Variants in GNA14 observed in about 807,000 individuals in gnomAD.
The protein encoded by GNA14 is guanine nucleotide-binding protein subunit alpha-14.
In GNA14, 50 loss-of-function variants were observed where a neutral mutation model predicts 42.0. The ratio of observed to expected loss-of-function variants is 1.19; its 90% CI spans 0.95 to 1.51. The LOEUF (loss-of-function observed/expected upper bound fraction) is 1.51. GNA14 is among the 40% of genes most tolerant of loss of function. The probability of loss-of-function intolerance (pLI) is 0.00; values close to 1 mark genes in which losing one functional copy is unlikely to be tolerated. For missense variants in GNA14, 473 were observed against 446.2 expected (o/e 1.06, Z -0.54); for synonymous variants, 173 against 163.1 (o/e 1.06, Z -0.46).
At chr9:77,462,385 C>A (rs903304303) in intron 2 of GNA14, among the ~76,000 whole-genome samples, 8 of 152,170 alleles carry the variant, frequency 5.3e-5, no homozygotes, top group African/African-American at 1.9e-4. Flanking sequence ...TATGCTCCCC[C>A]TTTCCTGGTC....
intron 2 of GNA14, among the ~76,000 whole-genome samples, chr9:77,449,690 C>T (rs1346248736): frequency 1.3e-5 from 2 of 152,200 alleles, no homozygotes; most frequent in African/African-American, 2.4e-5. Flanking sequence ...CAAATTCTCC[C>T]CCAATTCCCT....
At chr9:77,584,582 G>A (rs1405467133) in intron 1 of GNA14, among the ~76,000 whole-genome samples, 1 of 140,702 alleles carries the variant, frequency 7.1e-6, no homozygotes, top group Non-Finnish European at 1.5e-5. Flanking sequence ...CCCAAACTCA[G>A]ATGATGCCAA....
intron 2 of GNA14, among the ~76,000 whole-genome samples, chr9:77,493,027 ATATAT>A (rs1180999662): frequency 6.9e-3 from 350 of 51,056 alleles, no homozygotes; most frequent in African/African-American, 0.033. Context: ...AAAAAAAAAA[ATATAT>A]ATATATATAT....
chr9:77,504,082 A>G (rs1252896359), intron 2 of GNA14, among the ~76,000 whole-genome samples: 1 of 152,184 alleles, frequency 6.6e-6, no homozygotes, highest in Non-Finnish European at 1.5e-5. Flanking sequence ...CTCTACTTAT[A>G]CTGTCCCCAA....
chr9:77,456,104 T>C (rs1242281798), intron 2 of GNA14, among the ~76,000 whole-genome samples: 1 of 152,214 alleles, frequency 6.6e-6, no homozygotes, highest in African/African-American at 2.4e-5. Flanking sequence ...TGATCATATA[T>C]GATCTTTACA....
At chr9:77,484,806 G>C (rs1301675318) in intron 2 of GNA14, among the ~76,000 whole-genome samples, 1 of 152,064 alleles carries the variant, frequency 6.6e-6, no homozygotes, top group Non-Finnish European at 1.5e-5. Context: ...TGGTTTCCTA[G>C]TACATACAAA....
intron 1 of GNA14, among the ~76,000 whole-genome samples, chr9:77,532,099 T>G (rs1206828640): frequency 6.6e-6 from 1 of 151,408 alleles, no homozygotes; most frequent in East Asian, 1.9e-4. Context: ...CATTTAAGCC[T>G]CAGCATCACC....
chr9:77,432,303 C>G (rs1353432588), intron 3 of GNA14, among the ~76,000 whole-genome samples: 3 of 152,182 alleles, frequency 2.0e-5, no homozygotes, highest in Non-Finnish European at 4.4e-5. Context: ...CAGGCAAACC[C>G]TGTTCACCGT....
chr9:77,579,461 T>C (rs1212445283), intron 1 of GNA14, among the ~76,000 whole-genome samples: 2 of 152,150 alleles, frequency 1.3e-5, no homozygotes, highest in Non-Finnish European at 2.9e-5. Flanking sequence ...GATCAGTCAA[T>C]GACCTTGAGG....
chr9:77,443,683 A>G (rs546702354), intron 2 of GNA14, among the ~76,000 whole-genome samples: 19 of 152,302 alleles, frequency 1.2e-4, no homozygotes, highest in African/African-American at 4.6e-4. Flanking sequence ...TTTTCTTACC[A>G]GTCAAAACTT....
chr9:77,531,786 C>T (rs562366424), intron 1 of GNA14, among the ~76,000 whole-genome samples: 10 of 152,176 alleles, frequency 6.6e-5, no homozygotes, highest in Non-Finnish European at 1.5e-4. Flanking sequence ...ACCCCACCAC[C>T]AGCCCCAAAC....
At chr9:77,623,933 T>A (rs1051794574) in intron 1 of GNA14, among the ~76,000 whole-genome samples, 34 of 152,048 alleles carry the variant, frequency 2.2e-4, no homozygotes, top group African/African-American at 8.2e-4. Context: ...TTCACTCCCC[T>A]GGAAAAGGGG....
intron 2 of GNA14, among the ~76,000 whole-genome samples, chr9:77,468,299 T>A (rs533777550): frequency 6.6e-6 from 1 of 152,312 alleles, no homozygotes; most frequent in African/African-American, 2.4e-5. Flanking sequence ...TTAGGACAAT[T>A]TCTAGAGGCT....
intron 1 of GNA14, among the ~76,000 whole-genome samples, chr9:77,586,785 T>C (rs1198537625): frequency 1.3e-5 from 2 of 152,208 alleles, no homozygotes; most frequent in Admixed American, 6.5e-5. Flanking sequence ...ATAGGTTCTC[T>C]ACCTGGCCAG....
intron 2 of GNA14, among the ~76,000 whole-genome samples, chr9:77,464,821 T>A (rs1836193057): frequency 6.6e-6 from 1 of 152,222 alleles, no homozygotes; most frequent in Non-Finnish European, 1.5e-5. Flanking sequence ...CAAGTTAAGA[T>A]GAGGTCACTT....
In GNA14 at chr9:77,540,248, T is replaced by C. The variant is rs573363112; in HGVS notation, c.125-10995A>G. ...TTGACCAAATAATGATTCAGTAGTA[T>C]GTTGTTTAATTTCCATGTATTTTTT... On this transcript the variant is annotated intron_variant, in intron 1 of 6. Coordinates refer to ENST00000341700, the MANE Select transcript of GNA14 (RefSeq NM_004297.4). 1.6e-4 allele frequency among the ~76,000 whole-genome samples: 25 copies of C among 152,276 alleles called. No individual in the cohort carries two copies. The East Asian group carries it at 3.1e-3, about 19-fold the overall frequency.
intron 1 of GNA14, among the ~76,000 whole-genome samples, chr9:77,541,712 C>A (rs1185492697): frequency 1.3e-5 from 2 of 152,062 alleles, no homozygotes; most frequent in Non-Finnish European, 2.9e-5. Context: ...CCAAATGTCA[C>A]AAAGGCTTTG....
rs138426984 is a variant in GNA14 at position 77,633,214 on chromosome 9, G to T, written c.124+14456C>A. ...GGTGCTATGGGAGAAATATTCTGAG[G>T]AACTTAATTTGGACTGGGGTGTCAG... On this transcript the variant is annotated intron_variant, in intron 1 of 6. Transcript: ENST00000341700. Among the ~76,000 whole-genome samples the T allele has an allele frequency of 1.8e-3, 267 of 152,248 alleles. 3 individuals carry two copies. The highest frequency in any genetic ancestry group is 6.3e-3 in the African/African-American group (261 of 41,522).
At position 77,470,396 on chromosome 9, in the gene GNA14, G is replaced by A. The variant is rs532138547; in HGVS notation, c.310-35874C>T. 4.6e-5 allele frequency among the ~76,000 whole-genome samples: 7 copies of A among 152,328 alleles called. No homozygotes were observed. The East Asian group carries it at 1.4e-3, about 29-fold the overall frequency. On this transcript the variant is annotated intron_variant, in intron 2 of 6. Transcript: ENST00000341700. ...AAGGTGACTATAACAGCACAGGTGA[G>A]AAATGATCAGGCTCTGATCCAATCC... is the stretch of plus-strand genomic sequence containing the variant.
Sources: gnomAD v4.1 joint callset for allele counts (sites outside exome capture counted in the v4.1 genomes callset) on GRCh38, gnomAD v4.1.1 for gene constraint, MANE v1.5 for transcripts, NCBI Gene and HGNC (gene_info 2026-07-23, HGNC 2026-07-21) for gene names.